Variants in TUB observed in about 807,000 individuals in gnomAD.
TUB encodes TUB bipartite transcription factor.
TUB carries 33 observed loss-of-function variants against 59.7 expected under a neutral mutation model. That is an observed-to-expected ratio of 0.55 (90% CI 0.42 to 0.74). The LOEUF (loss-of-function observed/expected upper bound fraction) is 0.74, where lower values mean the gene tolerates loss of function less well. Among genes scored for constraint, TUB ranks in the 30% least tolerant of loss-of-function variants. The probability of loss-of-function intolerance (pLI) is 0.00; values close to 1 mark genes in which losing one functional copy is unlikely to be tolerated. For missense variants in TUB, 659 were observed against 672.0 expected (o/e 0.98, Z 0.21); for synonymous variants, 293 against 256.4 (o/e 1.14, Z -1.36).
chr11:8,072,397 C>T (rs889213435), intron 2 of TUB, among the ~76,000 whole-genome samples: 6 of 152,256 alleles, frequency 3.9e-5, no homozygotes, highest in East Asian at 3.9e-4. Flanking sequence ...CGGTGGGCGG[C>T]GGAGGCCCCA....
intron 1 of TUB, among the ~76,000 whole-genome samples, chr11:8,039,322 C>T (rs1269739682): frequency 6.6e-6 from 1 of 152,220 alleles, no homozygotes; most frequent in Non-Finnish European, 1.5e-5. Context: ...CAGCTCCACA[C>T]TCCGGCCCTC....
rs190420103 is a variant in TUB, at chr11:8,053,723, G to A, written c.203+14031G>A. On this transcript the variant is annotated intron_variant, in intron 2 of 12. Transcript: ENST00000305253. ...TCACCGTGTTAGCCAGGATGGTCTC[G>A]ATCTCCTGACCTCGCGATCCGCCTG... is the stretch of plus-strand genomic sequence containing the variant. Among the ~76,000 whole-genome samples the A allele has an allele frequency of 3.1e-4, 46 of 150,504 alleles. No homozygotes were observed. The East Asian group carries it at 8.7e-3, about 28-fold the overall frequency.
At chr11:8,095,144 A>G (rs143755544) in intron 4 of TUB, among the ~76,000 whole-genome samples, 18 of 152,306 alleles carry the variant, frequency 1.2e-4, no homozygotes, top group Non-Finnish European at 2.2e-4. Context: ...GTGTCCATGA[A>G]TGATTGCTGG....
chr11:8,028,912 T>C (rs1942534290), intron 1 of TUB, among the ~76,000 whole-genome samples: 1 of 152,126 alleles, frequency 6.6e-6, no homozygotes, highest in Non-Finnish European at 1.5e-5. Flanking sequence ...CTTGGGAGGC[T>C]GAGGTGAGAA....
chr11:8,071,030 ATATTAAC>A lies in TUB; in HGVS notation c.204-18573_204-18567del, dbSNP rs375401134. Among the ~76,000 whole-genome samples, 194 of 152,278 alleles carry A rather than the reference ATATTAAC, an allele frequency of 1.3e-3. 3 individuals are homozygous for A. The South Asian group carries it at 0.025, about 20-fold the overall frequency. Reference sequence around the variant, plus strand: ...ACCGCCTGTTTTAAGTGGTTTATATATATTAACTATTAAGTCCCCAGGACAGCCCAAG... The same window carrying A: ...ACCGCCTGTTTTAAGTGGTTTATATATATTAAGTCCCCAGGACAGCCCAAG... On this transcript the variant is annotated intron_variant, in intron 2 of 12. Coordinates refer to the TUB transcript ENST00000305253.
At chr11:8,083,346 G>T (rs557074660) in intron 1 of TUB, among the ~76,000 whole-genome samples, 1 of 152,284 alleles carries the variant, frequency 6.6e-6, no homozygotes, top group African/African-American at 2.4e-5. Flanking sequence ...GCAAACTGGA[G>T]GTTGGGCCAG....
chr11:8,060,976 T>C (rs559258346), intron 2 of TUB, among the ~76,000 whole-genome samples: 1 of 152,182 alleles, frequency 6.6e-6, no homozygotes, highest in African/African-American at 2.4e-5. Context: ...GGTGATTTCA[T>C]CAGTGGATGC....
chr11:8,095,435 C>CG, intron 4 of TUB, 63 bp from the exon 5 acceptor site: 2 of 1,528,872 alleles, frequency 1.3e-6, no homozygotes, highest in Non-Finnish European at 1.8e-6. Context: ...TCATGGACGT[C>CG]TGAGAATCCA....
At chr11:8,049,578 TATAGATAGATAG>T (rs1554923442) in intron 2 of TUB, among the ~76,000 whole-genome samples, 28 of 85,876 alleles carry the variant, frequency 3.3e-4, no homozygotes, top group South Asian at 1.6e-3. Flanking sequence ...TATATATATA[TATAGATAGATAG>T]ATAGATAGAT....
At chr11:8,097,531 C>T in intron 7 of TUB, 106 bp downstream of exon 7, 1 of 1,489,104 alleles carries the variant, frequency 6.7e-7, no homozygotes, top group South Asian at 1.2e-5. Context: ...CCTCTCAGTT[C>T]CTCAAAGAAA....
chr11:8,051,113 G>GT (rs747879060), intron 2 of TUB, among the ~76,000 whole-genome samples: 4 of 152,054 alleles, frequency 2.6e-5, no homozygotes, highest in Non-Finnish European at 4.4e-5. Context: ...TTTGCTTTGT[G>GT]TTTTGCTCTT....
At chr11:8,097,493 T>C in intron 7 of TUB, 68 bp downstream of exon 7, 1 of 1,596,142 alleles carries the variant, frequency 6.3e-7, no homozygotes, top group Non-Finnish European at 8.6e-7. Flanking sequence ...GGCTGAAATG[T>C]GACTGGAAGT....
At position 8,046,926 on chromosome 11, in the gene TUB, T is replaced by A. The variant is rs553991380; in HGVS notation, c.203+7234T>A. ...GACAGCTGCTTCACTTTTTTAAAAT[T>A]CGCAAAAAATTTTCATAATATTTTA... On this transcript the variant is annotated intron_variant, in intron 2 of 12. Coordinates refer to the TUB transcript ENST00000305253. Among the ~76,000 whole-genome samples, 24 of 152,264 alleles carry A rather than the reference T, an allele frequency of 1.6e-4. No individual in the cohort carries two copies. The East Asian group carries it at 4.3e-3, about 27-fold the overall frequency.
intron 1 of TUB, among the ~76,000 whole-genome samples, chr11:8,087,658 CGTG>C (rs1564916051): frequency 5.9e-5 from 9 of 152,218 alleles, no homozygotes; most frequent in African/African-American, 2.2e-4. Flanking sequence ...ATGCACTGTG[CGTG>C]TGGCTGACCA....
intron 2 of TUB, chr11:8,068,547 C>T (rs564434602): frequency 6.6e-6 from 1 of 152,652 alleles, no homozygotes; most frequent in Non-Finnish European, 1.5e-5. Flanking sequence ...TCATTCCCCA[C>T]GTGTTACAGC....
rs1944037135 is a variant in TUB at position 8,097,221 on chromosome 11, C to T, written c.688-7C>T. The T allele has an allele frequency of 6.2e-7, 1 of 1,613,716 alleles. No homozygotes were observed. Among genetic ancestry groups the T allele is most frequent in the South Asian group, 1.1e-5 (1 of 91,062 alleles). On this transcript the variant is annotated splice_polypyrimidine_tract_variant and splice_region_variant and intron_variant, in intron 6 of 11. Coordinates refer to ENST00000299506, the MANE Select transcript of TUB (RefSeq NM_177972.3). Reference sequence around the variant, plus strand: ...GGGGCTCAGGCACCTATTCTGCATCCCCATAGGAGGCAGCCTCAGCCCCTA... The same window carrying T: ...GGGGCTCAGGCACCTATTCTGCATCTCCATAGGAGGCAGCCTCAGCCCCTA...
At chr11:8,038,918 T>G (rs1297387315) in exon 1 of TUB, 1 of 1,613,920 alleles carries the variant, frequency 6.2e-7, no homozygotes. Context: ...TTTCTTTCTT[T>G]GCCGAGACAG....
upstream of TUB, among the ~76,000 whole-genome samples, chr11:8,081,067 C>CG (rs1943546626): frequency 6.7e-6 from 1 of 149,878 alleles, no homozygotes. Flanking sequence ...GGCGCGGTCA[C>CG]GCGCATGGAG....
At chr11:8,097,562 T>G (rs1479388706) in intron 7 of TUB, 137 bp downstream of exon 7, 5 of 1,356,396 alleles carry the variant, frequency 3.7e-6, no homozygotes, top group Non-Finnish European at 5.2e-6. Context: ...GTCTGGTCTG[T>G]GCACATCTTT....
Sources: gnomAD v4.1 joint callset for allele counts (sites outside exome capture counted in the v4.1 genomes callset) on GRCh38, gnomAD v4.1.1 for gene constraint, MANE v1.5 for transcripts, NCBI Gene and HGNC (gene_info 2026-07-23, HGNC 2026-07-21) for gene names.